The following PKD1L1 variants were observed in gnomAD, a reference collection of about 807,000 sequenced individuals.
The protein encoded by PKD1L1 is polycystin-1-like protein 1.
A neutral mutation model predicts 323.4 loss-of-function variants in PKD1L1; 236 were observed. The observed-to-expected ratio is 0.73, with a 90% CI of 0.66 to 0.81. PKD1L1 has a LOEUF of 0.81. Ranked by LOEUF, PKD1L1 falls within the 40% of genes least tolerant of loss-of-function variation. The pLI is 0.00. For synonymous variants in PKD1L1, 1,344 were observed against 1,335.0 expected (o/e 1.01, Z -0.15); for missense variants, 3,320 against 3,508.0 (o/e 0.95, Z 1.35).
At chr7:47,873,834 G>A (rs1786339980) in intron 24 of PKD1L1, 65 bp downstream of exon 24, 2 of 1,258,758 alleles carry the variant, frequency 1.6e-6, no homozygotes, top group Non-Finnish European at 2.3e-6. Flanking sequence ...CAACTTGGGG[G>A]AGAGCCAACT....
Position 47,898,134 on chromosome 7 carries a change from TA to T in PKD1L1, c.2124del (p.Asp708GlufsTer12). The T allele has an allele frequency of 6.2e-7, 1 of 1,614,116 alleles. No homozygotes were observed. Among genetic ancestry groups the T allele is most frequent in the Non-Finnish European group, 8.5e-7 (1 of 1,180,038 alleles). ...CAGGTGTAAGAAAGACCTTGGGAAA[TA>T]TCACAGAAGACTGCAGCTTCAAACG... The part of the protein sequence containing the change: ...GVTFEAAVFC[D>X]ISQGLSYTWN... On this transcript the variant is annotated frameshift_variant, in exon 14 of 57. Transcript: ENST00000289672. LOFTEE classifies it high-confidence loss of function.
intron 30 of PKD1L1, among the ~76,000 whole-genome samples, chr7:47,854,595 C>T (rs1260332170): frequency 6.6e-6 from 1 of 152,122 alleles, no homozygotes; most frequent in African/African-American, 2.4e-5. Context: ...AAATCTTGCT[C>T]AGACCTATAC....
chr7:47,820,455 T>C (rs1004581071), intron 46 of PKD1L1, among the ~76,000 whole-genome samples: 1 of 152,218 alleles, frequency 6.6e-6, no homozygotes, highest in Non-Finnish European at 1.5e-5. Context: ...CCGGGCGTAG[T>C]GGCGCACACC....
At position 47,775,355 on chromosome 7, in the gene PKD1L1, A is replaced by C. The variant is rs140516551; in HGVS notation, c.8527-189T>G. On this transcript the variant is annotated intron_variant, in intron 56 of 56. Transcript: ENST00000289672. Reference sequence around the variant, plus strand: ...ATACAAATATTTTAAAGTTCAAATGAAACATCTGCCAAGTTAGATCATATT... The same window carrying C: ...ATACAAATATTTTAAAGTTCAAATGCAACATCTGCCAAGTTAGATCATATT... Among the ~76,000 whole-genome samples the C allele has an allele frequency of 5.9e-5, 9 of 152,364 alleles. No individual in the cohort carries two copies. In the South Asian group the frequency reaches 8.3e-4, roughly 14 times the overall value.
intron 21 of PKD1L1, among the ~76,000 whole-genome samples, chr7:47,880,151 C>T (rs1158309885): frequency 7.8e-6 from 1 of 127,794 alleles, no homozygotes; most frequent in African/African-American, 3.5e-5. Flanking sequence ...GCAATAACAC[C>T]TTTCTAGGGT....
intron 8 of PKD1L1, among the ~76,000 whole-genome samples, chr7:47,913,829 GA>G (rs1349398943): frequency 2.6e-5 from 4 of 151,880 alleles, no homozygotes; most frequent in African/African-American, 9.7e-5. Flanking sequence ...ATAAGTAGCA[GA>G]AAAAAAGGTA....
chr7:47,927,166 G>T (rs914579467), intron 7 of PKD1L1, among the ~76,000 whole-genome samples: 12 of 151,422 alleles, frequency 7.9e-5, no homozygotes, highest in African/African-American at 2.9e-4. Flanking sequence ...ATGAAAAAAA[G>T]GTTGATAAAG....
chr7:47,796,104 TG>T lies in PKD1L1; in HGVS notation c.8239del (p.Gln2747LysfsTer6). On this transcript the variant is annotated frameshift_variant, in exon 55 of 57. Coordinates refer to ENST00000289672, the MANE Select transcript of PKD1L1 (RefSeq NM_138295.5). LOFTEE classifies it high-confidence loss of function. ...TTTAAGTCTCACAAAAGATTTACTT[TG>T]AAAAGATTTTCTTTTTTGGGGTAAA... ...MTLPQKRKSFQSKSFVRLKDV... is the reference protein window; with the variant it reads ...MTLPQKRKSFXSKSFVRLKDV... The T allele has an allele frequency of 6.2e-7, 1 of 1,609,930 alleles. No homozygotes were observed. The highest frequency in any genetic ancestry group is 8.5e-7 in the Non-Finnish European group (1 of 1,178,368).
At chr7:47,854,003 T>C (rs1203723646) in intron 30 of PKD1L1, among the ~76,000 whole-genome samples, 2 of 152,348 alleles carry the variant, frequency 1.3e-5, no homozygotes, top group East Asian at 1.9e-4. Flanking sequence ...TCTTAGTAGT[T>C]AGACTCAGAA....
At chr7:47,819,658 A>G in intron 46 of PKD1L1, 1 of 1,083,324 alleles carries the variant, frequency 9.2e-7, no homozygotes, top group South Asian at 1.4e-5. Flanking sequence ...AAAAAAACAA[A>G]ACAACTTGGA....
intron 25 of PKD1L1, 99 bp downstream of exon 25, chr7:47,866,320 T>G: frequency 3.1e-6 from 4 of 1,310,396 alleles, no homozygotes; most frequent in Non-Finnish European, 3.1e-6. Context: ...TTGCCTGTGT[T>G]TCATAAGCAT....
rs1242453762 is a variant in PKD1L1, at chr7:47,888,143, G to T, written c.2683C>A (p.His895Asn). ...TCTTTAAAGCTGACCCAGGAGATGTGGACGAATCTGAAATATATAAATTGG... is the reference window on the plus strand; with the variant it reads ...TCTTTAAAGCTGACCCAGGAGATGTTGACGAATCTGAAATATATAAATTGG... The part of the protein sequence containing the change: ...PYPDSAFRFV[H>N]ISWVSFKDTF... Residue 895 changes from histidine to asparagine, a missense_variant, in exon 17 of 57, where the codon CAC becomes AAC. Physicochemically the swap from His to Asn is moderately conservative, Grantham distance 68. Transcript: ENST00000289672. The T allele has an allele frequency of 2.5e-6, 4 of 1,611,794 alleles. No individual in the cohort carries two copies. The highest frequency in any genetic ancestry group is 3.4e-5 in the Admixed American group (2 of 59,582).
chr7:47,899,489 C>T (rs972044148), intron 13 of PKD1L1, among the ~76,000 whole-genome samples: 3 of 152,294 alleles, frequency 2.0e-5, no homozygotes, highest in African/African-American at 7.2e-5. Flanking sequence ...TGAAGCCCCT[C>T]CACACCCCCT....
At chr7:47,828,608 T>A (rs1785282258) in intron 44 of PKD1L1, among the ~76,000 whole-genome samples, 1 of 152,168 alleles carries the variant, frequency 6.6e-6, no homozygotes, top group African/African-American at 2.4e-5. Context: ...TCAGGTGTTA[T>A]AAGGAACAAA....
chr7:47,822,353 G>A (rs1293170462), intron 45 of PKD1L1, among the ~76,000 whole-genome samples: 1 of 152,046 alleles, frequency 6.6e-6, no homozygotes, highest in African/African-American at 2.4e-5. Context: ...CACTTTGGGA[G>A]GCCAAGGCAG....
At chr7:47,907,879 C>T (rs1787239271) in intron 9 of PKD1L1, among the ~76,000 whole-genome samples, 198 bp downstream of exon 9, 2 of 152,186 alleles carry the variant, frequency 1.3e-5, no homozygotes, top group African/African-American at 2.4e-5. Flanking sequence ...GAGATGAAGA[C>T]TTTGTATGAC....
intron 26 of PKD1L1, among the ~76,000 whole-genome samples, chr7:47,863,878 A>AAGAGGCAGCAAGT (rs1786089666): frequency 6.6e-6 from 1 of 152,124 alleles, no homozygotes; most frequent in African/African-American, 2.4e-5. Context: ...ACACACAAAC[A>AAGAGGCAGCAAGT]AGAGGCAGCA....
intron 56 of PKD1L1, among the ~76,000 whole-genome samples, chr7:47,787,537 T>C (rs897702780): frequency 1.3e-5 from 2 of 152,186 alleles, no homozygotes; most frequent in African/African-American, 4.8e-5. Flanking sequence ...TTACTATGTG[T>C]TGTAACTGTA....
At chr7:47,806,280 G>A (rs1453271317) in intron 52 of PKD1L1, among the ~76,000 whole-genome samples, 2 of 152,210 alleles carry the variant, frequency 1.3e-5, no homozygotes, top group African/African-American at 4.8e-5. Context: ...CACACCTGCT[G>A]GCCAATCAGT....
Sources: allele counts gnomAD v4.1 joint callset (sites outside exome capture counted in the v4.1 genomes callset), GRCh38; gene constraint gnomAD v4.1.1; transcripts MANE v1.5; gene names NCBI Gene and HGNC (gene_info 2026-07-23, HGNC 2026-07-21).